LGALS8: variants seen among roughly 807,000 people sequenced by gnomAD.
LGALS8 encodes the protein galectin 8, also known as galectin-8.
A neutral mutation model predicts 35.9 loss-of-function variants in LGALS8; 30 were observed. The observed-to-expected ratio is 0.83, with a 90% CI of 0.62 to 1.13. The LOEUF is 1.13. Among genes scored for constraint, LGALS8 ranks in the 50% most tolerant of loss-of-function variants. The pLI is 0.00. For missense variants in LGALS8, 366 were observed against 388.7 expected, an observed-to-expected ratio of 0.94 and a Z score of 0.49; for synonymous variants, 138 against 136.1, an observed-to-expected ratio of 1.01 and a Z score of -0.10.
At position 236,526,095 on chromosome 1, in the gene LGALS8, C is replaced by T. The variant is rs1660800646; in HGVS notation, c.25C>T (p.Gln9Ter). 6.2e-7 allele frequency: 1 copy of T among 1,611,552 alleles called. No individual in the cohort carries two copies. Residue 9 changes from glutamine to a stop codon, truncating the protein, a stop_gained, in exon 2 of 10, where the codon CAG becomes TAG. Coordinates refer to ENST00000366584, the MANE Select transcript of LGALS8 (RefSeq NM_201544.4). LOFTEE classifies it high-confidence loss of function. This position sits in a 1 kb window ranked among gnomAD's most constrained non-coding sequence, Gnocchi z 4.6. MMLSLNNL[Q>*]NIIYNPVIPF... ...AATGATGTTGTCCTTAAACAACCTA[C>T]AGAATATCATCTATAACCCGGTAAC...
At chr1:236,518,289 G>A (rs1660455256) in intron 1 of LGALS8, 1 of 152,156 alleles carries the variant, frequency 6.6e-6, no homozygotes, top group Non-Finnish European at 1.5e-5. Flanking sequence ...TCGGAGGTAA[G>A]CCTGGTGAAT....
chr1:236,531,222 C>G (rs1021720158), intron 2 of LGALS8, among the ~76,000 whole-genome samples: 37 of 152,188 alleles, frequency 2.4e-4, no homozygotes, highest in African/African-American at 8.7e-4. Flanking sequence ...GTGTGTGCAT[C>G]TTGGTGTGCC....
At position 236,538,802 on chromosome 1, in the gene LGALS8, T is replaced by C. The variant is rs181688199; in HGVS notation, c.135-77T>C. ...CAGTCCCTTGTCACTGGGCCTGGAG[T>C]GTAGTGCCTGCTGGTCCTTTACTGG... On this transcript the variant is annotated intron_variant, in intron 3 of 9. Coordinates refer to ENST00000366584, the MANE Select transcript of LGALS8 (RefSeq NM_201544.4). 1.6e-5 allele frequency: 15 copies of C among 963,884 alleles called. No individual in the cohort carries two copies. The Admixed American group carries it at 2.6e-4, about 17-fold the overall frequency. 59.7% of individuals were successfully genotyped at this position (963,884 alleles called of 1,614,324 possible). A position where few individuals can be genotyped will look rare whatever the true frequency, so the allele number is the denominator to read the frequency against.
intron 2 of LGALS8, among the ~76,000 whole-genome samples, chr1:236,534,374 C>T (rs1377491491): frequency 1.3e-5 from 2 of 152,148 alleles, no homozygotes; most frequent in Non-Finnish European, 2.9e-5. Flanking sequence ...TATGAATCAG[C>T]AAGGGTGTTT....
intron 4 of LGALS8, 138 bp from the exon 5 acceptor site, chr1:236,540,426 T>C: frequency 1.1e-6 from 1 of 938,636 alleles, no homozygotes; most frequent in South Asian, 2.4e-5. Context: ...TCGGTTACCA[T>C]TTGGTCATGT....
At chr1:236,538,840 C>A in intron 3 of LGALS8, 39 bp from the exon 4 acceptor site, 2 of 1,507,586 alleles carry the variant, frequency 1.3e-6, no homozygotes, top group South Asian at 2.2e-5. Context: ...GCTTTCCTTT[C>A]TGAGCACTCA....
At position 236,550,949 on chromosome 1, in the gene LGALS8, G is replaced by C; in HGVS notation, c.*2788G>C. ...TCTCCCAGGACAGTTTCCAGTTGCT[G>C]AATAGTCTTTTGGCACTGATGTTCT... On this transcript the variant is annotated 3_prime_UTR_variant, in exon 10 of 10. Coordinates refer to ENST00000366584, the MANE Select transcript of LGALS8 (RefSeq NM_201544.4). The C allele has an allele frequency of 1.9e-6, 3 of 1,586,344 alleles. No individual in the cohort carries two copies. The highest frequency in any genetic ancestry group is 2.6e-6 in the Non-Finnish European group (3 of 1,162,732).
chr1:236,535,541 A>C (rs1018521034), intron 2 of LGALS8, among the ~76,000 whole-genome samples: 9 of 152,196 alleles, frequency 5.9e-5, no homozygotes, highest in African/African-American at 1.4e-4. Flanking sequence ...ATGTTATAAA[A>C]ACTTCTCATT....
intron 2 of LGALS8, among the ~76,000 whole-genome samples, chr1:236,528,005 G>C (rs922610150): frequency 6.6e-6 from 1 of 152,026 alleles, no homozygotes; most frequent in African/African-American, 2.4e-5. Flanking sequence ...AAAAGTGCTG[G>C]GATTACAGGC....
At chr1:236,546,706 C>T (rs952854207) in intron 9 of LGALS8, among the ~76,000 whole-genome samples, 2 of 152,258 alleles carry the variant, frequency 1.3e-5, no homozygotes, top group African/African-American at 4.8e-5. Flanking sequence ...TGCACTTGCT[C>T]TGATACAGTA....
At chr1:236,542,415 G>T in intron 6 of LGALS8, 1 of 302,824 alleles carries the variant, frequency 3.3e-6, no homozygotes, top group Non-Finnish European at 6.1e-6. Context: ...AGGAGGTTGA[G>T]GCTGCAGTGA....
chr1:236,538,882 C>T lies in LGALS8; in HGVS notation c.138C>T (p.Phe46=). 6.2e-7 allele frequency: 1 copy of T among 1,611,588 alleles called. No individual in the cohort carries two copies. The highest frequency in any genetic ancestry group is 2.2e-5 in the East Asian group (1 of 44,894). ...RGHVPSDADR[F]QVDLQNGSSM... is the part of the protein sequence containing the mutation. ...CCCTGTGTCTTCCCTCATATAGATTCCAGGTGGATCTGCAGAATGGCAGCA... is the reference window on the plus strand; with the variant it reads ...CCCTGTGTCTTCCCTCATATAGATTTCAGGTGGATCTGCAGAATGGCAGCA... The change falls in exon 4 of 10, where the codon TTC becomes TTT. Residue 46 remains phenylalanine, a synonymous_variant. Coordinates refer to ENST00000366584, the MANE Select transcript of LGALS8 (RefSeq NM_201544.4).
At chr1:236,537,236 C>T (rs895563515) in intron 2 of LGALS8, among the ~76,000 whole-genome samples, 2 of 151,774 alleles carry the variant, frequency 1.3e-5, no homozygotes. Flanking sequence ...AGGATGGTCT[C>T]GATCTGCTGA....
intron 2 of LGALS8, among the ~76,000 whole-genome samples, chr1:236,528,546 A>T (rs1359756092): frequency 1.2e-4 from 13 of 104,234 alleles, no homozygotes; most frequent in African/African-American, 4.4e-4. Context: ...AATGTTTCCA[A>T]TTTTTTTTTT....
At chr1:236,520,924 C>A (rs944105722), upstream of LGALS8, among the ~76,000 whole-genome samples, 3 of 152,212 alleles carry the variant, frequency 2.0e-5, no homozygotes, top group African/African-American at 7.2e-5. Flanking sequence ...TCTTCCCCAC[C>A]ATCTTCATAT....
rs1291935330 is a variant in LGALS8 at position 236,550,486 on chromosome 1, A to C, written c.*2325A>C. On this transcript the variant is annotated 3_prime_UTR_variant, in exon 10 of 10. Transcript: ENST00000366584. ...CTAAATAACTTCATTTTCTTGAAAT[A>C]GAGCAACTTTGAGTGAAATCTGCAA... is the stretch of plus-strand genomic sequence containing the variant. 6.3e-6 allele frequency: 1 copy of C among 158,236 alleles called. No homozygotes were observed. Among genetic ancestry groups the C allele is most frequent in the Non-Finnish European group, 1.4e-5 (1 of 72,414 alleles). 9.8% of individuals were successfully genotyped at this position (158,236 alleles called of 1,614,324 possible). A position where few individuals can be genotyped will look rare whatever the true frequency, so the allele number is the denominator to read the frequency against.
At chr1:236,524,098 A>C (rs1660662192) in intron 1 of LGALS8, 37 bp downstream of exon 1, 1 of 456,050 alleles carries the variant, frequency 2.2e-6, no homozygotes, top group African/African-American at 2.0e-5. Context: ...GTGGCGGGGC[A>C]GTCGCTAGAG....
chr1:236,547,841 A>C (rs890966811), intron 9 of LGALS8, among the ~76,000 whole-genome samples, 171 bp from the exon 10 acceptor site: 1 of 147,810 alleles, frequency 6.8e-6, no homozygotes, highest in Non-Finnish European at 1.5e-5. Context: ...TGCCACCACC[A>C]GGGACACTTT....
In LGALS8 at chr1:236,549,861, T is replaced by G. The variant is rs2103116541; in HGVS notation, c.*1700T>G. ...AAGCTATTAGTATTTATTAATGAAT[T>G]TTACTGAGACATTTCTTAGAAATAT... On this transcript the variant is annotated 3_prime_UTR_variant, in exon 10 of 10. Coordinates refer to ENST00000366584, the MANE Select transcript of LGALS8 (RefSeq NM_201544.4). 1 of 152,322 alleles carries G rather than the reference T, an allele frequency of 6.6e-6. No individual in the cohort carries two copies. The highest frequency in any genetic ancestry group is 1.9e-4 in the East Asian group (1 of 5,190). 9.4% of individuals were successfully genotyped at this position (152,322 alleles called of 1,614,324 possible). A position where few individuals can be genotyped will look rare whatever the true frequency, so the allele number is the denominator to read the frequency against.
Sources: gnomAD v4.1 joint callset for allele counts (sites outside exome capture counted in the v4.1 genomes callset) on GRCh38, gnomAD v4.1.1 for gene constraint, Gnocchi (gnomAD v3.1) non-coding constraint, MANE v1.5 for transcripts, NCBI Gene and HGNC (gene_info 2026-07-23, HGNC 2026-07-21) for gene names.